Variants in TGFB1 observed in about 807,000 individuals in gnomAD.
TGFB1 encodes the protein transforming growth factor beta-1 proprotein.
A neutral mutation model predicts 43.8 loss-of-function variants in TGFB1; 19 were observed. The ratio of observed to expected loss-of-function variants is 0.43; its 90% CI spans 0.30 to 0.64. TGFB1 has a LOEUF of 0.64. Among genes scored for constraint, TGFB1 ranks in the 30% least tolerant of loss-of-function variants. The pLI is 0.11. For synonymous variants in TGFB1, 221 were observed against 236.3 expected, an observed-to-expected ratio of 0.94 and a Z score of 0.60; for missense variants, 445 against 529.8, an observed-to-expected ratio of 0.84 and a Z score of 1.57.
intron 5 of TGFB1, among the ~76,000 whole-genome samples, chr19:41,338,969 CGTGT>C (rs71179696): frequency 6.7e-6 from 1 of 150,122 alleles, no homozygotes; most frequent in East Asian, 2.0e-4. Flanking sequence ...ATGGGGGGTA[CGTGT>C]GTGTGTGTGT....
Position 41,344,743 on chromosome 19 carries a change from T to G in TGFB1, c.634+4A>C, listed in dbSNP as rs1463076355. Reference sequence around the variant, plus strand: ...CAGGGGTGGGACACACAAGTAATCCTCACCTCCACGGCTCAACCACTGCCG... The same window carrying G: ...CAGGGGTGGGACACACAAGTAATCCGCACCTCCACGGCTCAACCACTGCCG... On this transcript the variant is annotated splice_donor_region_variant and intron_variant, in intron 3 of 6. Coordinates refer to ENST00000221930, the MANE Select transcript of TGFB1 (RefSeq NM_000660.7). The G allele has an allele frequency of 6.2e-7, 1 of 1,613,098 alleles. No individual in the cohort carries two copies. Among genetic ancestry groups the G allele is most frequent in the Non-Finnish European group, 8.5e-7 (1 of 1,179,398 alleles).
At position 41,331,215 on chromosome 19, in the gene TGFB1, G is replaced by A. The variant is rs1235615706; in HGVS notation, c.1015-5C>T. The A allele has an allele frequency of 1.3e-6, 2 of 1,511,936 alleles. No individual in the cohort carries two copies. The highest frequency in any genetic ancestry group is 8.8e-7 in the Non-Finnish European group (1 of 1,130,252). 93.7% of individuals were successfully genotyped at this position (1,511,936 alleles called of 1,614,324 possible). On this transcript the variant is annotated splice_region_variant and splice_polypyrimidine_tract_variant and intron_variant, in intron 6 of 6. Transcript: ENST00000221930. Reference sequence around the variant, plus strand: ...CTGGTTGTACAGGGCCAGGACCTGCGGGCGGCGGGCGGGGTCAGGGCTCAG... The same window carrying A: ...CTGGTTGTACAGGGCCAGGACCTGCAGGCGGCGGGCGGGGTCAGGGCTCAG...
chr19:41,338,598 G>C (rs1329124787), intron 5 of TGFB1, among the ~76,000 whole-genome samples: 2 of 152,044 alleles, frequency 1.3e-5, no homozygotes, highest in African/African-American at 4.8e-5. Context: ...TAGCACTTTG[G>C]GAGGCTGAGG....
intron 5 of TGFB1, among the ~76,000 whole-genome samples, chr19:41,337,762 C>T (rs1457154975): frequency 1.3e-5 from 2 of 152,164 alleles, no homozygotes; most frequent in Non-Finnish European, 2.9e-5. Context: ...AGACCAACAC[C>T]TTTTCTTCCT....
At position 41,342,250 on chromosome 19, in the gene TGFB1, G is replaced by T. The variant is rs1439504073; in HGVS notation, c.635-3C>A. The T allele has an allele frequency of 6.3e-7, 1 of 1,592,140 alleles. No homozygotes were observed. The highest frequency in any genetic ancestry group is 8.5e-7 in the Non-Finnish European group (1 of 1,169,962). ...AAGGCGAAAGCCCTCAATTTCCCCTGTAGGAGTGGCGAGAGGGAAGCCAGT... is the reference window on the plus strand; with the variant it reads ...AAGGCGAAAGCCCTCAATTTCCCCTTTAGGAGTGGCGAGAGGGAAGCCAGT... On this transcript the variant is annotated splice_region_variant and splice_polypyrimidine_tract_variant and intron_variant, in intron 3 of 6. Transcript: ENST00000221930.
intron 1 of TGFB1, among the ~76,000 whole-genome samples, chr19:41,351,538 T>A (rs1374146334): frequency 1.3e-5 from 2 of 152,092 alleles, no homozygotes; most frequent in Non-Finnish European, 2.9e-5. Context: ...GGGAGGGGGA[T>A]GAGGCCGCCG....
At chr19:41,333,648 C>T (rs1423029919) in intron 5 of TGFB1, among the ~76,000 whole-genome samples, 1 of 152,178 alleles carries the variant, frequency 6.6e-6, no homozygotes, top group Admixed American at 6.5e-5. Context: ...CATGAGCCAC[C>T]ACACCTGGCC....
chr19:41,353,715 G>GCTC lies in TGFB1; in HGVS notation c.-674_-672dup, dbSNP rs2038248376. 1 of 153,886 alleles carries GCTC rather than the reference G, an allele frequency of 6.5e-6. No homozygotes were observed. Among genetic ancestry groups the GCTC allele is most frequent in the Admixed American group, 6.5e-5 (1 of 15,268 alleles). 9.5% of individuals were successfully genotyped at this position (153,886 alleles called of 1,614,324 possible). On this transcript the variant is annotated 5_prime_UTR_variant, in exon 1 of 7. Transcript: ENST00000221930. The surrounding 1 kb of genome is among the most constrained non-coding windows in gnomAD (Gnocchi z 5.9). ...CCCCGCAGTGGCGGGGGCGGCGGCGGCTCGTCTCAGACTCTGGGGCCTCAG... is the reference window on the plus strand; with the variant it reads ...CCCCGCAGTGGCGGGGGCGGCGGCGGCTCCTCGTCTCAGACTCTGGGGCCTCAG...
chr19:41,331,948 G>T, intron 6 of TGFB1, 180 bp downstream of exon 6: 1 of 807,532 alleles, frequency 1.2e-6, no homozygotes, highest in Non-Finnish European at 1.9e-6. Context: ...CCTGCTCAGA[G>T]CCCCTCTCTA....
intron 3 of TGFB1, among the ~76,000 whole-genome samples, chr19:41,342,516 ATTTT>A (rs55835439): frequency 1.4e-5 from 2 of 139,930 alleles, no homozygotes; most frequent in African/African-American, 2.7e-5. Context: ...CGCATGGCTA[ATTTT>A]TTTTTTTTTT....
intron 5 of TGFB1, among the ~76,000 whole-genome samples, chr19:41,339,904 G>T (rs551784129): frequency 5.3e-5 from 8 of 152,062 alleles, no homozygotes; most frequent in Admixed American, 3.3e-4. Context: ...CCTGGGAGCA[G>T]GGCTGATTTT....
intron 3 of TGFB1, 142 bp from the exon 4 acceptor site, chr19:41,342,389 T>TA: frequency 1.2e-5 from 6 of 513,734 alleles, no homozygotes; most frequent in Middle Eastern, 5.2e-4. Context: ...TGCAGCTCTC[T>TA]CTTTTTTTTT....
rs1555755083 is a variant in TGFB1 at position 41,351,804 on chromosome 19, T to TGCGGGGGCTCGCTGCTC, written c.355+885_355+886insGAGCAGCGAGCCCCCGC. 8.5e-3 allele frequency among the ~76,000 whole-genome samples: 1,284 copies of TGCGGGGGCTCGCTGCTC among 151,526 alleles called. 16 individuals are homozygous for TGCGGGGGCTCGCTGCTC. Among genetic ancestry groups the TGCGGGGGCTCGCTGCTC allele is most frequent in the African/African-American group, 0.03 (1,220 of 41,306 alleles). On this transcript the variant is annotated intron_variant, in intron 1 of 6. Transcript: ENST00000221930. Reference sequence around the variant, plus strand: ...CCATTCCCCTGCATCCTGCGGGGAATGCAGCGTGGATGGCGCTGGGTATCT... The same window carrying TGCGGGGGCTCGCTGCTC: ...CCATTCCCCTGCATCCTGCGGGGAATGCGGGGGCTCGCTGCTCGCAGCGTGGATGGCGCTGGGTATCT...
At chr19:41,343,504 C>T (rs1040550191) in intron 3 of TGFB1, among the ~76,000 whole-genome samples, 1 of 152,110 alleles carries the variant, frequency 6.6e-6, no homozygotes, top group African/African-American at 2.4e-5. Context: ...TCACCCTCAC[C>T]CAGCAAGCCC....
chr19:41,330,933 G>A lies in TGFB1; in HGVS notation c.*119C>T. On this transcript the variant is annotated 3_prime_UTR_variant, in exon 7 of 7. Transcript: ENST00000221930. ...CCGCAGTCCTCTCTCCATCTTTAAT[G>A]GGGCCCCAGGTGGGCTTGGGGCACG... The A allele has an allele frequency of 2.1e-6, 2 of 949,532 alleles. No individual in the cohort carries two copies. Among genetic ancestry groups the A allele is most frequent in the Non-Finnish European group, 2.9e-6 (2 of 678,574 alleles). 58.8% of individuals were successfully genotyped at this position (949,532 alleles called of 1,614,324 possible). A position where few individuals can be genotyped will look rare whatever the true frequency, so the allele number is the denominator to read the frequency against.
chr19:41,331,566 CTTTTTTTTTT>C (rs3061187), intron 6 of TGFB1, among the ~76,000 whole-genome samples: 17 of 77,442 alleles, frequency 2.2e-4, no homozygotes, highest in African/African-American at 3.1e-4. Flanking sequence ...CCACTCCTAG[CTTTTTTTTTT>C]TTTTTTTTTT....
In TGFB1 at chr19:41,341,897, G is replaced by C. The variant is rs770664280; in HGVS notation, c.846C>G (p.Thr282=). Reference sequence around the variant, plus strand: ...ACAAGGCTCACCTGAAGCAATAGTTGGTGTCCAGGGCTCGGCGGTGCCGGG... The same window carrying C: ...ACAAGGCTCACCTGAAGCAATAGTTCGTGTCCAGGGCTCGGCGGTGCCGGG... The part of the protein sequence containing the change: ...QSSRHRRALD[T]NYCFSSTEKN... The change falls in exon 5 of 7, where the codon ACC becomes ACG. Residue 282 remains threonine, a synonymous_variant. Transcript: ENST00000221930. 5.0e-6 allele frequency: 8 copies of C among 1,613,612 alleles called. No homozygotes were observed. Among genetic ancestry groups the C allele is most frequent in the Non-Finnish European group, 2.5e-6 (3 of 1,179,922 alleles).
rs762331262 is a variant in TGFB1 at position 41,352,902 on chromosome 19, G to C, written c.143C>G (p.Ala48Gly). The change falls in exon 1 of 7, where the codon GCC (alanine) becomes GGC (glycine). Residue 48 changes from alanine (A) to glycine (G), a missense_variant. Around this residue, in one of 3 missense-constraint regions of TGFB1, gnomAD observed 366 missense variants for 428.8 expected, o/e 0.85. Coordinates refer to ENST00000221930, the MANE Select transcript of TGFB1 (RefSeq NM_000660.7). Reference sequence around the variant, plus strand: ...CTTGGACAGGATCTGGCCGCGGATGGCCTCGATGCGCTTCCGCTTCACCAG... The same window carrying C: ...CTTGGACAGGATCTGGCCGCGGATGCCCTCGATGCGCTTCCGCTTCACCAG... ...MELVKRKRIE[A>G]IRGQILSKLR... is the part of the protein sequence containing the mutation. The C allele has an allele frequency of 1.9e-6, 3 of 1,559,348 alleles. No homozygotes were observed. Among genetic ancestry groups the C allele is most frequent in the Non-Finnish European group, 2.6e-6 (3 of 1,153,186 alleles).
At chr19:41,338,896 A>G (rs1269629889) in intron 5 of TGFB1, among the ~76,000 whole-genome samples, 1 of 151,806 alleles carries the variant, frequency 6.6e-6, no homozygotes, top group Non-Finnish European at 1.5e-5. Flanking sequence ...ATTCCAGTCC[A>G]CAGTAGGCTA....
Sources: allele counts gnomAD v4.1 joint callset (sites outside exome capture counted in the v4.1 genomes callset), GRCh38; gene constraint gnomAD v4.1.1; regional missense constraint gnomAD v4.1.1; non-coding constraint Gnocchi (gnomAD v3.1); transcripts MANE v1.5; gene names NCBI Gene and HGNC (gene_info 2026-07-23, HGNC 2026-07-21).